Variants in DNHD1 observed in about 807,000 individuals in gnomAD.
DNHD1 encodes dynein heavy chain domain 1, also known as dynein heavy chain domain-containing protein 1.
In DNHD1, 383 loss-of-function variants were observed where a neutral mutation model predicts 458.1. That is an observed-to-expected ratio of 0.84 (90% CI 0.77 to 0.91). The LOEUF is 0.91. Ranked by LOEUF, DNHD1 falls within the 40% of genes least tolerant of loss-of-function variation. The pLI is 0.00. For missense variants in DNHD1, 5,336 were observed against 5,866.1 expected (o/e 0.91, Z 2.95); for synonymous variants, 2,203 against 2,376.9 (o/e 0.93, Z 2.13).
chr11:6,498,940 C>T lies in DNHD1; in HGVS notation c.725C>T (p.Pro242Leu). Reference protein sequence around the residue: ...SSDTDNAEVEPVGRKETRSQL... With the variant: ...SSDTDNAEVELVGRKETRSQL... ...GACACTGACAATGCAGAGGTGGAGC[C>T]TGTTGGAAGAAAAGAGACCAGGTAA... The change falls in exon 3 of 43, where the codon CCT becomes CTT. Residue 242 changes from proline to leucine, a missense_variant. Around this residue, in one of 4 missense-constraint regions of DNHD1, gnomAD observed 3,932 missense variants for 4,365.6 expected, o/e 0.90. Transcript: ENST00000254579. The T allele has an allele frequency of 6.2e-7, 1 of 1,605,260 alleles. No homozygotes were observed. Among genetic ancestry groups the T allele is most frequent in the Non-Finnish European group, 8.5e-7 (1 of 1,175,324 alleles).
chr11:6,509,751 T>G (rs1446071971), intron 6 of DNHD1, among the ~76,000 whole-genome samples: 1 of 152,016 alleles, frequency 6.6e-6, no homozygotes, highest in East Asian at 1.9e-4. Flanking sequence ...TTTTCAGTAT[T>G]TCCTTGCTTT....
rs2134448402 is a variant in DNHD1 at position 6,559,216 on chromosome 11, T to C, written c.9452T>C (p.Ile3151Thr). The change falls in exon 28 of 43, where the codon ATT (isoleucine) becomes ACT (threonine). Residue 3151 changes from isoleucine to threonine, a missense_variant. This residue lies in a region of DNHD1 where 3,932 missense variants were observed against 4,365.6 expected (regional missense o/e 0.90). Transcript: ENST00000254579. The part of the protein sequence containing the change: ...QNALENLRML[I>T]KEHGTHANLI... ...GCCTTGGAGAATCTGAGAATGCTGA[T>C]TAAGGAGCACGGTACCCATGCCAAT... 1.3e-6 allele frequency: 2 copies of C among 1,551,684 alleles called. No homozygotes were observed. Among genetic ancestry groups the C allele is most frequent in the Non-Finnish European group, 1.7e-6 (2 of 1,146,984 alleles).
intron 39 of DNHD1, 147 bp downstream of exon 39, chr11:6,569,013 C>T: frequency 9.7e-7 from 1 of 1,033,418 alleles, no homozygotes; most frequent in South Asian, 1.7e-5. Flanking sequence ...TCTCCAAAGA[C>T]TTTGAGATTT....
chr11:6,518,367 A>AT (rs1182413839), intron 7 of DNHD1, among the ~76,000 whole-genome samples: 1 of 151,952 alleles, frequency 6.6e-6, no homozygotes, highest in African/African-American at 2.4e-5. Context: ...CATCCTAAAC[A>AT]TTTTTTTCAC....
At position 6,571,643 on chromosome 11, in the gene DNHD1, A is replaced by G; in HGVS notation, c.13919A>G (p.Asn4640Ser). ...AGCTTCTGACGCCCCCAGGTGGAGAATGGTCCAAATCCCACGGTTCCAGAG... is the reference window on the plus strand; with the variant it reads ...AGCTTCTGACGCCCCCAGGTGGAGAGTGGTCCAAATCCCACGGTTCCAGAG... The part of the protein sequence containing the change: ...NSNPLHFRVE[N>S]GPNPTVPERG... The change falls in exon 43 of 43, where the codon AAT (asparagine) becomes AGT (serine). Residue 4640 changes from asparagine to serine, a missense_variant. By Grantham distance (46) the Asn-to-Ser change is conservative (BLOSUM62 1). Transcript: ENST00000254579. The surrounding 1 kb of genome is among the most constrained non-coding windows in gnomAD (Gnocchi z 5.0). The G allele has an allele frequency of 6.3e-7, 1 of 1,579,434 alleles. No individual in the cohort carries two copies. The highest frequency in any genetic ancestry group is 8.6e-7 in the Non-Finnish European group (1 of 1,159,840).
chr11:6,520,144 G>C (rs764015324), intron 9 of DNHD1, 42 bp downstream of exon 9: 2 of 1,613,862 alleles, frequency 1.2e-6, no homozygotes, highest in East Asian at 2.2e-5. Flanking sequence ...GGAATTCCCA[G>C]TTCCTATCCT....
chr11:6,499,881 T>C lies in DNHD1; in HGVS notation c.746+920T>C, dbSNP rs549632236. ...GCGCCCGGCCCTATTGTTTTCTTTTTTAAAATATCTGGCTATCAGAGCTCT... is the reference window on the plus strand; with the variant it reads ...GCGCCCGGCCCTATTGTTTTCTTTTCTAAAATATCTGGCTATCAGAGCTCT... On this transcript the variant is annotated intron_variant, in intron 3 of 42. Transcript: ENST00000254579. Among the ~76,000 whole-genome samples, 8 of 152,138 alleles carry C rather than the reference T, an allele frequency of 5.3e-5. No homozygotes were observed. In the East Asian group the frequency reaches 1.6e-3, roughly 30 times the overall value.
At chr11:6,499,905 C>T (rs1048846835) in intron 3 of DNHD1, among the ~76,000 whole-genome samples, 1 of 150,858 alleles carries the variant, frequency 6.6e-6, no homozygotes, top group Non-Finnish European at 1.5e-5. Flanking sequence ...TATCAGAGCT[C>T]TCTACAGGAT....
Position 6,544,675 on chromosome 11 carries a change from G to A in DNHD1, c.3852+4G>A, listed in dbSNP as rs1384485163. 5 of 1,550,930 alleles carry A rather than the reference G, an allele frequency of 3.2e-6. No homozygotes were observed. The East Asian group carries it at 1.2e-4, about 38-fold the overall frequency. On this transcript the variant is annotated splice_donor_region_variant and intron_variant, in intron 20 of 42. Transcript: ENST00000254579. ...CCAGTTTCCTAATGCTGACCTGGTAGGGAAGGGGGTTGAGGCAGAGAGGGC... is the reference window on the plus strand; with the variant it reads ...CCAGTTTCCTAATGCTGACCTGGTAAGGAAGGGGGTTGAGGCAGAGAGGGC...
At chr11:6,542,236 C>T (rs904016425) in intron 18 of DNHD1, among the ~76,000 whole-genome samples, 4 of 152,168 alleles carry the variant, frequency 2.6e-5, no homozygotes, top group African/African-American at 4.8e-5. Flanking sequence ...TTATGCTAAT[C>T]CATTTGCCCA....
rs1367150880 is a variant in DNHD1 at position 6,534,157 on chromosome 11, C to T, written c.2982C>T (p.Ala994=). The change falls in exon 14 of 43, where the codon GCC becomes GCT. Residue 994 remains alanine (A), a synonymous_variant. Transcript: ENST00000254579. ...TVSDLSELHH[A]YAIFTEDETP... ...GCGACCTCAGTGAACTGCACCACGC[C>T]TATGCCATCTTCACTGGTACTGAGG... is the stretch of plus-strand genomic sequence containing the variant. The T allele has an allele frequency of 6.4e-7, 1 of 1,551,096 alleles. No individual in the cohort carries two copies. The highest frequency in any genetic ancestry group is 8.7e-7 in the Non-Finnish European group (1 of 1,146,888).
chr11:6,513,239 C>T (rs184270704), intron 7 of DNHD1, among the ~76,000 whole-genome samples: 17 of 152,236 alleles, frequency 1.1e-4, no homozygotes, highest in African/African-American at 2.4e-4. Flanking sequence ...AATTCATATA[C>T]AGTAGACAAA....
intron 24 of DNHD1, 102 bp from the exon 25 acceptor site, chr11:6,556,581 C>T (rs1241130492): frequency 2.1e-5 from 26 of 1,226,338 alleles, no homozygotes; most frequent in Non-Finnish European, 2.9e-5. Context: ...GTCAGATTCA[C>T]AAAATTCCTT....
intron 12 of DNHD1, among the ~76,000 whole-genome samples, chr11:6,530,190 A>G (rs1284598761): frequency 6.6e-6 from 1 of 152,152 alleles, no homozygotes; most frequent in East Asian, 1.9e-4. Flanking sequence ...CCAAAGTTCT[A>G]TGTGGAAAGT....
Position 6,565,789 on chromosome 11 carries a change from G to C in DNHD1, c.10851G>C (p.Gln3617His), listed in dbSNP as rs1424796657. 6.4e-7 allele frequency: 1 copy of C among 1,551,538 alleles called. No homozygotes were observed. Among genetic ancestry groups the C allele is most frequent in the Non-Finnish European group, 8.7e-7 (1 of 1,147,006 alleles). Residue 3617 changes from glutamine (Q) to histidine (H), a missense_variant, in exon 33 of 43, where the codon CAG becomes CAC. This residue lies in a region of DNHD1 where 695 missense variants were observed against 804.2 expected (regional missense o/e 0.86). Coordinates refer to ENST00000254579, the MANE Select transcript of DNHD1 (RefSeq NM_144666.3). ...AAGAGAGTAATGAGGCTGAGGACCA[G>C]ACAAAAGAGCAGAAGGCAGAGGAAA... ...ESEESNEAED[Q>H]TKEQKAEERK...
chr11:6,536,900 C>CAAAG (rs1252728609), intron 14 of DNHD1, among the ~76,000 whole-genome samples: 1 of 152,166 alleles, frequency 6.6e-6, no homozygotes, highest in Non-Finnish European at 1.5e-5. Context: ...TGAGTTTAGA[C>CAAAG]AAAGACTGGA....
At position 6,558,215 on chromosome 11, in the gene DNHD1, G is replaced by A; in HGVS notation, c.8920G>A (p.Asp2974Asn). Residue 2974 changes from aspartate to asparagine, a missense_variant, in exon 25 of 43, where the codon GAT (aspartate) becomes AAT (asparagine). Asp to Asn is a conservative substitution (Grantham distance 23, BLOSUM62 1). Around this residue, in one of 4 missense-constraint regions of DNHD1, gnomAD observed 3,932 missense variants for 4,365.6 expected, o/e 0.90. Coordinates refer to ENST00000254579, the MANE Select transcript of DNHD1 (RefSeq NM_144666.3). ...GSFPGQYTEA[D>N]LDRIGEHLPR... ...TTTCCCTGGCCAGTACACAGAAGCA[G>A]ATTTGGACCGCATTGGAGAACACCT... 1 of 1,551,736 alleles carries A rather than the reference G, an allele frequency of 6.4e-7. No homozygotes were observed. Among genetic ancestry groups the A allele is most frequent in the South Asian group, 1.2e-5 (1 of 84,060 alleles).
intron 4 of DNHD1, chr11:6,503,250 A>G (rs1007979563): frequency 3.1e-5 from 7 of 229,014 alleles, no homozygotes; most frequent in Non-Finnish European, 5.9e-5. Context: ...ATGGTGATCT[A>G]TTCCAACTCC....
At chr11:6,570,222 TGA>T (rs1208295136) in intron 40 of DNHD1, 23 bp from the exon 41 acceptor site, 6 of 1,613,666 alleles carry the variant, frequency 3.7e-6, no homozygotes, top group Non-Finnish European at 4.2e-6. Context: ...GTACTGGAAC[TGA>T]GAGACTCTAA....
Sources: gnomAD v4.1 joint callset for allele counts (sites outside exome capture counted in the v4.1 genomes callset) on GRCh38, gnomAD v4.1.1 for gene constraint, gnomAD v4.1.1 regional missense constraint, Gnocchi (gnomAD v3.1) non-coding constraint, MANE v1.5 for transcripts, NCBI Gene and HGNC (gene_info 2026-07-23, HGNC 2026-07-21) for gene names.